The following PCDH15 variants were observed in gnomAD, a reference collection of about 807,000 sequenced individuals.
PCDH15 encodes protocadherin related 15, also known as protocadherin-15.
A neutral mutation model predicts 178.5 loss-of-function variants in PCDH15; 129 were observed. The observed-to-expected ratio is 0.72, with a 90% CI of 0.63 to 0.84. PCDH15 has a LOEUF of 0.84. Ranked by LOEUF, PCDH15 falls within the 40% of genes least tolerant of loss-of-function variation. PCDH15 has a pLI of 0.00. For missense variants in PCDH15, 2,230 were observed against 2,099.9 expected (o/e 1.06, Z -1.21); for synonymous variants, 800 against 732.0 (o/e 1.09, Z -1.50).
In PCDH15 at chr10:54,558,872, T is replaced by C. The variant is rs369540626; in HGVS notation, c.92-30995A>G. Among the ~76,000 whole-genome samples, 13 of 152,218 alleles carry C rather than the reference T, an allele frequency of 8.5e-5. No individual in the cohort carries two copies. In the East Asian group the frequency reaches 2.5e-3, roughly 29 times the overall value. ...TTTTAAAAATTAGTTGATATACTAT[T>C]TTGTATACATGTTTGTTTCTATCTG... On this transcript the variant is annotated intron_variant, in intron 2 of 37. Coordinates refer to ENST00000644397, the MANE Select transcript of PCDH15 (RefSeq NM_001384140.1).
At chr10:55,556,410 C>T (rs1198019120) in intron 2 of PCDH15, among the ~76,000 whole-genome samples, 2 of 152,260 alleles carry the variant, frequency 1.3e-5, no homozygotes, top group South Asian at 2.1e-4. Flanking sequence ...CTTCAAGATG[C>T]TTATGCCAAA....
At chr10:55,245,576 T>C (rs997033420) in intron 1 of PCDH15, among the ~76,000 whole-genome samples, 1 of 152,166 alleles carries the variant, frequency 6.6e-6, no homozygotes, top group African/African-American at 2.4e-5. Flanking sequence ...AGTATCTCTA[T>C]TAAAAATGGA....
At chr10:55,184,621 A>G (rs1839745273) in intron 1 of PCDH15, among the ~76,000 whole-genome samples, 2 of 152,126 alleles carry the variant, frequency 1.3e-5, no homozygotes. Flanking sequence ...AAGCAATACC[A>G]TCAATTTTAC....
At chr10:54,461,042 A>G (rs1317124841) in intron 3 of PCDH15, among the ~76,000 whole-genome samples, 3 of 152,046 alleles carry the variant, frequency 2.0e-5, no homozygotes, top group Non-Finnish European at 4.4e-5. Flanking sequence ...ATGATACTAG[A>G]TTAGAGAATA....
intron 26 of PCDH15, among the ~76,000 whole-genome samples, chr10:53,871,246 C>A (rs996315959): frequency 1.3e-5 from 2 of 151,680 alleles, no homozygotes; most frequent in African/African-American, 4.8e-5. Flanking sequence ...GAGGCTAAGG[C>A]AGGAGAATGG....
intron 28 of PCDH15, among the ~76,000 whole-genome samples, chr10:53,856,644 T>C (rs2078763634): frequency 6.6e-6 from 1 of 152,096 alleles, no homozygotes; most frequent in East Asian, 1.9e-4. Context: ...ATGCAGCATT[T>C]TGAGGTTCTG....
intron 2 of PCDH15, among the ~76,000 whole-genome samples, chr10:55,563,770 CAA>C (rs1174467356): frequency 6.6e-6 from 1 of 150,946 alleles, no homozygotes; most frequent in African/African-American, 2.4e-5. Context: ...ATGAAAATAT[CAA>C]TAGAGACAGA....
At chr10:54,031,039 C>G (rs2093277913) in intron 18 of PCDH15, among the ~76,000 whole-genome samples, 1 of 152,022 alleles carries the variant, frequency 6.6e-6, no homozygotes, top group South Asian at 2.1e-4. Flanking sequence ...GCTTTTAACG[C>G]TTCTGCTTGG....
chr10:53,837,096 A>C (rs1232580758), intron 29 of PCDH15, among the ~76,000 whole-genome samples: 1 of 147,106 alleles, frequency 6.8e-6, no homozygotes, highest in East Asian at 2.2e-4. Context: ...CTGTGTGTCT[A>C]TGTGGGCGGG....
rs139533713 is a variant in PCDH15 at position 53,936,521 on chromosome 10, G to A, written c.3373+2294C>T. Among the ~76,000 whole-genome samples the A allele has an allele frequency of 3.1e-3, 468 of 152,272 alleles. 2 individuals are homozygous for A. Among genetic ancestry groups the A allele is most frequent in the South Asian group, 5.4e-3 (26 of 4,830 alleles). The stretch of plus-strand genomic sequence containing the variant: ...GGGCGTGATTATGTTGAATTAGGGA[G>A]TTGATACATGGAGGTTCACCGTAAT... On this transcript the variant is annotated intron_variant, in intron 25 of 37. Transcript: ENST00000644397.
intron 9 of PCDH15, among the ~76,000 whole-genome samples, chr10:54,229,960 A>T (rs2053878129): frequency 1.3e-5 from 2 of 152,298 alleles, no homozygotes; most frequent in African/African-American, 2.4e-5. Context: ...CAAGTAAAAT[A>T]ATCTTTTTTT....
chr10:54,275,895 C>A (rs2058327110), intron 8 of PCDH15, among the ~76,000 whole-genome samples: 1 of 151,428 alleles, frequency 6.6e-6, no homozygotes, highest in East Asian at 1.9e-4. Flanking sequence ...ATTAACAAAT[C>A]AGAGGTTAAA....
chr10:54,859,069 A>G (rs1015593561), intron 3 of PCDH15, among the ~76,000 whole-genome samples: 1 of 152,012 alleles, frequency 6.6e-6, no homozygotes, highest in Middle Eastern at 3.2e-3. Flanking sequence ...CTCAGGGTAA[A>G]GTGCTCTTTG....
At chr10:55,280,444 AT>A (rs1170034467) in intron 1 of PCDH15, among the ~76,000 whole-genome samples, 1,544 of 92,052 alleles carry the variant, frequency 0.017, 9 homozygotes, top group Middle Eastern at 0.029. Flanking sequence ...GCACCCAGCT[AT>A]TTTTTTTTTT....
intron 14 of PCDH15, among the ~76,000 whole-genome samples, chr10:54,151,702 T>G (rs1301434175): frequency 1.3e-5 from 2 of 152,172 alleles, no homozygotes; most frequent in Admixed American, 1.3e-4. Flanking sequence ...AAAATGTTCT[T>G]GGATAGAAAG....
intron 2 of PCDH15, among the ~76,000 whole-genome samples, chr10:55,557,033 T>G (rs1338948105): frequency 6.6e-6 from 1 of 152,196 alleles, no homozygotes; most frequent in Non-Finnish European, 1.5e-5. Context: ...CTGGTGACTA[T>G]CTCTCTGCTG....
At chr10:54,638,505 C>T (rs1007554621) in intron 2 of PCDH15, among the ~76,000 whole-genome samples, 3 of 152,018 alleles carry the variant, frequency 2.0e-5, no homozygotes, top group Non-Finnish European at 4.4e-5. Context: ...TCCTAAAGTA[C>T]TTCGCCAAAA....
intron 2 of PCDH15, among the ~76,000 whole-genome samples, chr10:55,554,588 T>A (rs2132091444): frequency 6.6e-6 from 1 of 152,132 alleles, no homozygotes; most frequent in Admixed American, 6.6e-5. Flanking sequence ...AAAATACAGC[T>A]TTTGTGGGAT....
chr10:54,230,208 A>G (rs1564737600), intron 9 of PCDH15, among the ~76,000 whole-genome samples: 2 of 152,198 alleles, frequency 1.3e-5, no homozygotes, highest in South Asian at 4.1e-4. Context: ...AATTAGAAGA[A>G]GCATTCTAGA....
Sources: gnomAD v4.1 joint callset for allele counts (sites outside exome capture counted in the v4.1 genomes callset) on GRCh38, gnomAD v4.1.1 for gene constraint, MANE v1.5 for transcripts, NCBI Gene and HGNC (gene_info 2026-07-23, HGNC 2026-07-21) for gene names.